PHIP: variants seen among roughly 807,000 people sequenced by gnomAD.
PHIP encodes PH-interacting protein.
PHIP carries 54 observed loss-of-function variants against 236.8 expected under a neutral mutation model. The ratio of observed to expected loss-of-function variants is 0.23; its 90% confidence interval spans 0.18 to 0.29. PHIP has a LOEUF of 0.29. Among genes scored for constraint, PHIP ranks in the 10% least tolerant of loss-of-function variants. The pLI is 1.00. For missense variants in PHIP, 1,370 were observed against 2,190.8 expected, an observed-to-expected ratio of 0.63 and a Z score of 7.48; for synonymous variants, 756 against 718.9, an observed-to-expected ratio of 1.05 and a Z score of -0.83.
In PHIP at chr6:78,961,724, T is replaced by C; in HGVS notation, c.3622A>G (p.Thr1208Ala). 6.2e-7 allele frequency: 1 copy of C among 1,612,632 alleles called. No homozygotes were observed. Among genetic ancestry groups the C allele is most frequent in the Non-Finnish European group, 8.5e-7 (1 of 1,178,880 alleles). Residue 1208 changes from threonine to alanine, a missense_variant, in exon 31 of 40, where the codon ACA (threonine) becomes GCA (alanine). Thr to Ala is a moderately conservative substitution (Grantham distance 58). Coordinates refer to ENST00000275034, the MANE Select transcript of PHIP (RefSeq NM_017934.7). ...CTGTTTTCCAGTCTTTGTTTAATTGTACTTAGATCCGTTGGATATGCCACT... is the reference window on the plus strand; with the variant it reads ...CTGTTTTCCAGTCTTTGTTTAATTGCACTTAGATCCGTTGGATATGCCACT... The part of the protein sequence containing the change: ...TVVAYPTDLS[T>A]IKQRLENRFY...
chr6:79,077,460 G>A lies in PHIP; in HGVS notation c.177C>T (p.Thr59=), dbSNP rs1190019744. ...TDWTGKEHPR[T]YQNLVKYYRH... ...GTGAATGTCTCACCAGATTCTGGTA[G>A]GTCCTGGGATGCTCCTTCCCGGTCC... is the stretch of plus-strand genomic sequence containing the variant. The change falls in exon 4 of 40, where the codon ACC becomes ACT. Residue 59 remains threonine (T), a synonymous_variant. Coordinates refer to ENST00000275034, the MANE Select transcript of PHIP (RefSeq NM_017934.7). The A allele has an allele frequency of 2.5e-6, 4 of 1,592,070 alleles. No homozygotes were observed. The highest frequency in any genetic ancestry group is 2.4e-5 in the East Asian group (1 of 41,814).
intron 4 of PHIP, among the ~76,000 whole-genome samples, chr6:79,061,217 G>C (rs1773359082): frequency 6.6e-6 from 1 of 152,048 alleles, no homozygotes; most frequent in Non-Finnish European, 1.5e-5. Context: ...TAGTCTTTCA[G>C]TAAATAAACA....
chr6:79,034,884 C>A (rs1740896176), intron 7 of PHIP, among the ~76,000 whole-genome samples: 1 of 152,182 alleles, frequency 6.6e-6, no homozygotes, highest in African/African-American at 2.4e-5. Context: ...TTGATTAACA[C>A]TGAATGACTA....
intron 7 of PHIP, among the ~76,000 whole-genome samples, chr6:79,036,637 G>A (rs867903938): frequency 2.0e-5 from 3 of 151,708 alleles, no homozygotes; most frequent in Non-Finnish European, 4.4e-5. Context: ...TAAAAGCAAC[G>A]CTGGGCCAGG....
At chr6:78,989,026 A>G (rs1371360274) in intron 20 of PHIP, among the ~76,000 whole-genome samples, 1 of 152,176 alleles carries the variant, frequency 6.6e-6, no homozygotes, top group Non-Finnish European at 1.5e-5. Context: ...AACACTAAAA[A>G]ACTGATAAAG....
At chr6:78,972,387 T>A (rs1157513179) in intron 24 of PHIP, among the ~76,000 whole-genome samples, 2 of 151,994 alleles carry the variant, frequency 1.3e-5, no homozygotes, top group African/African-American at 2.4e-5. Context: ...TACATCACCA[T>A]CATCAAAGAC....
chr6:79,000,631 C>G (rs1214874526), intron 17 of PHIP, among the ~76,000 whole-genome samples: 1 of 152,076 alleles, frequency 6.6e-6, no homozygotes, highest in African/African-American at 2.4e-5. Context: ...TGGGAACAAT[C>G]TGATTTTGCC....
intron 35 of PHIP, among the ~76,000 whole-genome samples, chr6:78,953,749 C>T (rs1416730459): frequency 1.3e-5 from 2 of 152,064 alleles, no homozygotes; most frequent in Non-Finnish European, 1.5e-5. Context: ...ATTAGCCCGG[C>T]TAATTTTTGT....
chr6:78,972,986 A>G (rs1403928090), intron 24 of PHIP, among the ~76,000 whole-genome samples: 1 of 152,186 alleles, frequency 6.6e-6, no homozygotes, highest in Non-Finnish European at 1.5e-5. Context: ...TCCCCAATCT[A>G]GCAAGGCAGG....
At chr6:79,016,154 G>A (rs1424487753) in intron 13 of PHIP, among the ~76,000 whole-genome samples, 2 of 151,888 alleles carry the variant, frequency 1.3e-5, no homozygotes, top group Non-Finnish European at 2.9e-5. Context: ...ACAAATACAA[G>A]TGGAGAAAAA....
At chr6:78,970,654 G>A in intron 25 of PHIP, 127 bp downstream of exon 25, 1 of 638,554 alleles carries the variant, frequency 1.6e-6, no homozygotes, top group East Asian at 2.8e-5. Flanking sequence ...CTCTAGGACT[G>A]CTTCAATTAA....
intron 7 of PHIP, among the ~76,000 whole-genome samples, chr6:79,035,604 A>C (rs978053178): frequency 6.6e-6 from 1 of 152,186 alleles, no homozygotes; most frequent in African/African-American, 2.4e-5. Flanking sequence ...CAACAAGGAG[A>C]ATTTTAATTT....
At chr6:78,955,728 AT>A (rs1167441914) in intron 32 of PHIP, 46 bp from the exon 33 acceptor site, 10 of 665,438 alleles carry the variant, frequency 1.5e-5, no homozygotes, top group Non-Finnish European at 2.1e-5. Flanking sequence ...AACCATGATA[AT>A]TTTTTTCCTT....
chr6:79,070,700 C>T (rs574359749), intron 4 of PHIP, among the ~76,000 whole-genome samples: 10 of 152,268 alleles, frequency 6.6e-5, no homozygotes, highest in African/African-American at 2.4e-4. Context: ...AAATCAAAAT[C>T]CAGGATGCTC....
intron 24 of PHIP, among the ~76,000 whole-genome samples, chr6:78,971,300 C>T (rs2127706385): frequency 6.6e-6 from 1 of 152,320 alleles, no homozygotes; most frequent in Middle Eastern, 3.4e-3. Context: ...AATCCTTACA[C>T]AAATCCTGGT....
chr6:78,958,377 G>A, intron 32 of PHIP, 98 bp downstream of exon 32: 1 of 800,544 alleles, frequency 1.2e-6, no homozygotes, highest in Non-Finnish European at 2.0e-6. Flanking sequence ...ACTCTTAAAT[G>A]TTTCTTCTTT....
rs1204185975 is a variant in PHIP, at chr6:79,001,900, T to C, written c.1878A>G (p.Ser626=). ...TTGTCTAAGAAAATGAGCACCTACC[T>C]GAGGAAGTTACTCCCATCTGAGGGA... The part of the protein sequence containing the change: ...QLIPQMGVTS[S]GLNQVLSQQA... The change falls in exon 17 of 40, where the codon TCA becomes TCG. Residue 626 remains serine (S), a splice_region_variant and synonymous_variant. Transcript: ENST00000275034. The C allele has an allele frequency of 5.0e-6, 8 of 1,596,000 alleles. No homozygotes were observed. The highest frequency in any genetic ancestry group is 6.0e-6 in the Non-Finnish European group (7 of 1,163,978).
intron 15 of PHIP, among the ~76,000 whole-genome samples, chr6:79,014,177 GA>G (rs1161005977): frequency 6.6e-6 from 1 of 151,620 alleles, no homozygotes; most frequent in Non-Finnish European, 1.5e-5. Flanking sequence ...TCACGACATA[GA>G]AATAACTTTA....
chr6:78,946,392 CAT>C, intron 37 of PHIP, 132 bp from the exon 38 acceptor site: 1 of 1,391,146 alleles, frequency 7.2e-7, no homozygotes, highest in Non-Finnish European at 9.5e-7. Context: ...TAGTGGATTT[CAT>C]ATGATTGTGA....
Sources: allele counts gnomAD v4.1 joint callset (sites outside exome capture counted in the v4.1 genomes callset), GRCh38; gene constraint gnomAD v4.1.1; transcripts MANE v1.5; gene names NCBI Gene and HGNC (gene_info 2026-07-23, HGNC 2026-07-21).